The following SH3GL2 variants were observed in gnomAD, a reference collection of about 807,000 sequenced individuals.
SH3GL2 encodes endophilin-A1.
In SH3GL2, 24 loss-of-function variants were observed where a neutral mutation model predicts 46.0. The observed-to-expected ratio is 0.52, with a 90% CI of 0.38 to 0.73. SH3GL2 has a LOEUF of 0.73. Ranked by LOEUF, SH3GL2 falls within the 30% of genes least tolerant of loss-of-function variation. The probability of loss-of-function intolerance (pLI) is 0.00; values close to 1 mark genes in which losing one functional copy is unlikely to be tolerated. For synonymous variants in SH3GL2, 196 were observed against 147.1 expected (o/e 1.33, Z -2.40); for missense variants, 413 against 424.2 (o/e 0.97, Z 0.23).
At chr9:17,735,530 A>G (rs760709927) in intron 1 of SH3GL2, among the ~76,000 whole-genome samples, 3 of 152,002 alleles carry the variant, frequency 2.0e-5, no homozygotes, top group Non-Finnish European at 4.4e-5. Context: ...TTTTTCAACC[A>G]AACGTGGGTG....
intron 3 of SH3GL2, among the ~76,000 whole-genome samples, chr9:17,781,585 T>C (rs940667324): frequency 6.6e-6 from 1 of 152,110 alleles, no homozygotes; most frequent in Non-Finnish European, 1.5e-5. Flanking sequence ...AGAAGTGGAG[T>C]TACTGGGTTG....
At chr9:17,742,241 A>G (rs910682011) in intron 1 of SH3GL2, among the ~76,000 whole-genome samples, 1 of 152,202 alleles carries the variant, frequency 6.6e-6, no homozygotes, top group African/African-American at 2.4e-5. Flanking sequence ...GCTGGGAAGA[A>G]TCAGAGCCAC....
chr9:17,718,485 C>T (rs186788544), intron 1 of SH3GL2, among the ~76,000 whole-genome samples: 40 of 152,046 alleles, frequency 2.6e-4, no homozygotes, highest in Non-Finnish European at 4.9e-4. Context: ...CACTTTGGGA[C>T]GCCAAGGCGG....
At chr9:17,755,686 C>A in intron 2 of SH3GL2, 2 of 636,474 alleles carry the variant, frequency 3.1e-6, no homozygotes, top group Non-Finnish European at 3.9e-6. Context: ...TAAACTTTTG[C>A]TCTGCTACAG....
chr9:17,695,738 A>C (rs1258986807), intron 1 of SH3GL2, among the ~76,000 whole-genome samples: 2 of 151,724 alleles, frequency 1.3e-5, no homozygotes, highest in Non-Finnish European at 1.5e-5. Flanking sequence ...GGAGTGGATT[A>C]CTTCTTGGCA....
intron 1 of SH3GL2, among the ~76,000 whole-genome samples, chr9:17,723,831 G>A (rs564321952): frequency 6.6e-6 from 1 of 152,010 alleles, no homozygotes; most frequent in African/African-American, 2.4e-5. Flanking sequence ...GTGTCATCTG[G>A]CCTCCATTGT....
At chr9:17,708,191 C>T (rs561365953) in intron 1 of SH3GL2, among the ~76,000 whole-genome samples, 2 of 152,112 alleles carry the variant, frequency 1.3e-5, no homozygotes, top group Middle Eastern at 3.4e-3. Context: ...CATTGCTGTT[C>T]CCAGGTTCTG....
intron 1 of SH3GL2, among the ~76,000 whole-genome samples, chr9:17,730,436 T>G (rs888169709): frequency 1.3e-5 from 2 of 152,172 alleles, no homozygotes; most frequent in African/African-American, 4.8e-5. Flanking sequence ...TCTTCCTGTT[T>G]GAATACACTT....
At chr9:17,738,341 C>G (rs542724519) in intron 1 of SH3GL2, among the ~76,000 whole-genome samples, 1 of 151,696 alleles carries the variant, frequency 6.6e-6, no homozygotes, top group East Asian at 2.0e-4. Context: ...ATAGTACTTT[C>G]TCTTTTCCTC....
Position 17,647,083 on chromosome 9 carries a change from G to A in SH3GL2, c.45+67796G>A, listed in dbSNP as rs147756029. Among the ~76,000 whole-genome samples the A allele has an allele frequency of 5.5e-3, 842 of 152,324 alleles. 3 individuals are homozygous for A. The highest frequency in any genetic ancestry group is 7.9e-3 in the Non-Finnish European group (536 of 68,034). ...CAGAGATGCCCTGCCCAGAGAGGAG[G>A]AATCCAGAGAGGCAGTATGGCTACA... On this transcript the variant is annotated intron_variant, in intron 1 of 8. Transcript: ENST00000380607.
At chr9:17,782,286 CT>C (rs1823832232) in intron 3 of SH3GL2, among the ~76,000 whole-genome samples, 2 of 152,138 alleles carry the variant, frequency 1.3e-5, no homozygotes, top group Middle Eastern at 6.8e-3. Flanking sequence ...TGGGAACTCT[CT>C]TTTTCGGGGA....
intron 1 of SH3GL2, among the ~76,000 whole-genome samples, chr9:17,667,662 T>G (rs1820379783): frequency 6.6e-6 from 1 of 152,222 alleles, no homozygotes. Context: ...TTCTTTTTTT[T>G]GCATATACCT....
At chr9:17,589,296 G>C (rs1482739004) in intron 1 of SH3GL2, 1 of 152,220 alleles carries the variant, frequency 6.6e-6, no homozygotes, top group Non-Finnish European at 1.5e-5. Flanking sequence ...CTCCAGAGTA[G>C]TGGGACTATA....
At chr9:17,586,775 C>T (rs1818385109) in intron 1 of SH3GL2, among the ~76,000 whole-genome samples, 1 of 152,218 alleles carries the variant, frequency 6.6e-6, no homozygotes. Context: ...TCAATTACCT[C>T]CCACCAGGTC....
chr9:17,588,572 C>T (rs1010821172), intron 1 of SH3GL2, among the ~76,000 whole-genome samples: 1 of 152,098 alleles, frequency 6.6e-6, no homozygotes, highest in Non-Finnish European at 1.5e-5. Flanking sequence ...CCTCTAGGAG[C>T]AGAAATCAGC....
In SH3GL2 at chr9:17,630,640, A is replaced by G. The variant is rs573239689; in HGVS notation, c.45+51353A>G. On this transcript the variant is annotated intron_variant, in intron 1 of 8. Coordinates refer to ENST00000380607, the MANE Select transcript of SH3GL2 (RefSeq NM_003026.5). ...TCTTTAAGACTTTTGTGATGGTTACATAACACCAGTGGGACCAGAGACTAG... is the reference window on the plus strand; with the variant it reads ...TCTTTAAGACTTTTGTGATGGTTACGTAACACCAGTGGGACCAGAGACTAG... Among the ~76,000 whole-genome samples, 24 of 152,354 alleles carry G rather than the reference A, an allele frequency of 1.6e-4. 1 individual carries two copies. Among genetic ancestry groups the G allele is most frequent in the African/African-American group, 5.3e-4 (22 of 41,586 alleles).
At position 17,579,226 on chromosome 9, in the gene SH3GL2, G is replaced by C; in HGVS notation, c.-17G>C. Reference sequence around the variant, plus strand: ...CCTCCCTCCCGCACAGCAGCCGCCAGCGCGGCCTCCTGCACCATGTCGGTG... The same window carrying C: ...CCTCCCTCCCGCACAGCAGCCGCCACCGCGGCCTCCTGCACCATGTCGGTG... On this transcript the variant is annotated 5_prime_UTR_variant, in exon 1 of 9. Transcript: ENST00000380607. The C allele has an allele frequency of 6.5e-7, 1 of 1,542,848 alleles. No individual in the cohort carries two copies. The highest frequency in any genetic ancestry group is 8.7e-7 in the Non-Finnish European group (1 of 1,146,330).
chr9:17,605,351 T>A lies in SH3GL2; in HGVS notation c.45+26064T>A, dbSNP rs1230221271. 2.0e-5 allele frequency among the ~76,000 whole-genome samples: 3 copies of A among 152,246 alleles called. No individual in the cohort carries two copies. In the East Asian group the frequency reaches 5.8e-4, roughly 29 times the overall value. On this transcript the variant is annotated intron_variant, in intron 1 of 8. Transcript: ENST00000380607. ...CTGACTCATCCTCTTCCTGACTGTT[T>A]TTCACTAGCTTAGCCTTACCTACTT...
At chr9:17,663,552 C>T (rs1329729682) in intron 1 of SH3GL2, among the ~76,000 whole-genome samples, 2 of 152,142 alleles carry the variant, frequency 1.3e-5, no homozygotes, top group Non-Finnish European at 2.9e-5. Context: ...AAAACGTGAC[C>T]ACTCAGGGTT....
Sources: gnomAD v4.1 joint callset for allele counts (sites outside exome capture counted in the v4.1 genomes callset) on GRCh38, gnomAD v4.1.1 for gene constraint, MANE v1.5 for transcripts, NCBI Gene and HGNC (gene_info 2026-07-23, HGNC 2026-07-21) for gene names.